Variants in PRKG1 observed in about 807,000 individuals in gnomAD.
The protein encoded by PRKG1 is cGMP-dependent protein kinase 1.
A neutral mutation model predicts 88.1 loss-of-function variants in PRKG1; 35 were observed. The ratio of observed to expected loss-of-function variants is 0.40; its 90% CI spans 0.30 to 0.53. PRKG1 has a LOEUF of 0.53. PRKG1 is among the 20% of genes least tolerant of loss of function. The pLI is 0.59. For missense variants in PRKG1, 540 were observed against 839.8 expected, an observed-to-expected ratio of 0.64 and a Z score of 4.41; for synonymous variants, 303 against 292.5, an observed-to-expected ratio of 1.04 and a Z score of -0.37.
rs1026511660 is a variant in PRKG1 at position 52,095,801 on chromosome 10, A to G, written c.935+33170A>G. ...GAGATACATTGTTGAGCAAAACCCA[A>G]GGAGGTTATAGCTTTCATGTTGCTC... On this transcript the variant is annotated intron_variant, in intron 7 of 17. Transcript: ENST00000373980. Among the ~76,000 whole-genome samples the G allele has an allele frequency of 2.6e-5, 4 of 152,178 alleles. No individual in the cohort carries two copies. In the South Asian group the frequency reaches 8.3e-4, roughly 31 times the overall value.
intron 2 of PRKG1, among the ~76,000 whole-genome samples, chr10:51,373,591 AC>A (rs1842747417): frequency 6.6e-6 from 1 of 151,740 alleles, no homozygotes; most frequent in South Asian, 2.1e-4. Flanking sequence ...GCTCTCCGCC[AC>A]CCCCTACCCT....
At chr10:51,932,060 C>T (rs538049369) in intron 5 of PRKG1, among the ~76,000 whole-genome samples, 60 of 152,252 alleles carry the variant, frequency 3.9e-4, no homozygotes, top group African/African-American at 1.3e-3. Context: ...CCATCCTCCT[C>T]ATTAGGTAGG....
chr10:51,512,345 T>TC (rs1324793278), intron 3 of PRKG1, among the ~76,000 whole-genome samples: 2 of 82,584 alleles, frequency 2.4e-5, no homozygotes, highest in African/African-American at 5.0e-5. Context: ...CCCTCCCCCC[T>TC]CCCCCCACCC....
chr10:51,380,789 C>T (rs928096159), intron 2 of PRKG1, among the ~76,000 whole-genome samples: 1 of 152,042 alleles, frequency 6.6e-6, no homozygotes, highest in African/African-American at 2.4e-5. Context: ...GAAACTTAAC[C>T]AGGGAAGGGG....
chr10:51,677,078 C>T (rs1488701114), intron 3 of PRKG1, among the ~76,000 whole-genome samples: 3 of 152,146 alleles, frequency 2.0e-5, no homozygotes, highest in Non-Finnish European at 4.4e-5. Context: ...AGCCACTGTC[C>T]TGACTTCTTA....
intron 5 of PRKG1, among the ~76,000 whole-genome samples, chr10:52,027,686 G>C (rs1033206083): frequency 2.0e-5 from 3 of 152,108 alleles, no homozygotes; most frequent in African/African-American, 7.2e-5. Flanking sequence ...GTGTCCCTTA[G>C]TCTGGTTAAT....
chr10:51,828,337 T>A (rs1365362742), intron 4 of PRKG1, among the ~76,000 whole-genome samples: 1 of 152,140 alleles, frequency 6.6e-6, no homozygotes, highest in African/African-American at 2.4e-5. Flanking sequence ...CATTTTAACA[T>A]ATTGATAAGG....
At chr10:52,017,478 T>G (rs890846508) in intron 5 of PRKG1, among the ~76,000 whole-genome samples, 1 of 151,868 alleles carries the variant, frequency 6.6e-6, no homozygotes, top group African/African-American at 2.4e-5. Context: ...GATTCCAAGG[T>G]TTTGGGTAGA....
chr10:51,869,925 A>G (rs1841113198), intron 4 of PRKG1, among the ~76,000 whole-genome samples: 1 of 152,200 alleles, frequency 6.6e-6, no homozygotes, highest in African/African-American at 2.4e-5. Context: ...AGCATTTTCA[A>G]TACTAAGGGA....
chr10:51,824,849 C>T (rs1839844374), intron 4 of PRKG1, among the ~76,000 whole-genome samples: 1 of 152,078 alleles, frequency 6.6e-6, no homozygotes, highest in Non-Finnish European at 1.5e-5. Context: ...GAGGGATTCA[C>T]CCCCATGACT....
At chr10:51,953,200 T>C (rs1169193167) in intron 5 of PRKG1, among the ~76,000 whole-genome samples, 3 of 152,180 alleles carry the variant, frequency 2.0e-5, no homozygotes, top group Admixed American at 6.5e-5. Context: ...TTATAATTTG[T>C]GTGCTGTATT....
At chr10:51,169,492 C>CT (rs1846639230) in intron 2 of PRKG1, among the ~76,000 whole-genome samples, 1 of 152,034 alleles carries the variant, frequency 6.6e-6, no homozygotes, top group Non-Finnish European at 1.5e-5. Context: ...GTTTTTACTT[C>CT]TTTTTCTTGG....
intron 2 of PRKG1, among the ~76,000 whole-genome samples, chr10:51,369,615 T>C (rs1022831805): frequency 2.0e-5 from 3 of 152,104 alleles, no homozygotes; most frequent in African/African-American, 7.2e-5. Context: ...AGCTTCTTGG[T>C]TGCACAGCAA....
In PRKG1 at chr10:51,360,853, G is replaced by C. The variant is rs138064636; in HGVS notation, c.479-106870G>C. On this transcript the variant is annotated intron_variant, in intron 2 of 17. Coordinates refer to ENST00000373980, the MANE Select transcript of PRKG1 (RefSeq NM_006258.4). ...CATGATAAGCTATGGCCATAGAGGTGAGATTTGTCTCTGAACAAGTCAATT... is the reference window on the plus strand; with the variant it reads ...CATGATAAGCTATGGCCATAGAGGTCAGATTTGTCTCTGAACAAGTCAATT... 2.3e-4 allele frequency among the ~76,000 whole-genome samples: 35 copies of C among 151,948 alleles called. 1 individual carries two copies. In the East Asian group the frequency reaches 6.8e-3, roughly 30 times the overall value.
intron 3 of PRKG1, among the ~76,000 whole-genome samples, chr10:51,483,152 C>A (rs941229426): frequency 1.3e-5 from 2 of 151,926 alleles, no homozygotes; most frequent in Non-Finnish European, 2.9e-5. Flanking sequence ...TCCCGAGTAG[C>A]TGGGACTATA....
chr10:51,638,687 G>T (rs576710325), intron 3 of PRKG1, among the ~76,000 whole-genome samples: 3 of 152,236 alleles, frequency 2.0e-5, no homozygotes, highest in African/African-American at 7.2e-5. Context: ...AATAATATGT[G>T]CAGGAGAGCC....
intron 1 of PRKG1, among the ~76,000 whole-genome samples, chr10:50,999,651 A>G (rs1049331982): frequency 1.3e-5 from 2 of 152,206 alleles, no homozygotes; most frequent in Non-Finnish European, 2.9e-5. Context: ...TTGTGGGTCT[A>G]TTTATTCAAC....
intron 4 of PRKG1, among the ~76,000 whole-genome samples, chr10:51,843,393 T>C (rs1183497822): frequency 6.6e-6 from 1 of 152,162 alleles, no homozygotes; most frequent in Non-Finnish European, 1.5e-5. Context: ...CAGTAGCAAT[T>C]TTGTTGCCTT....
At position 51,233,205 on chromosome 10, in the gene PRKG1, G is replaced by A. The variant is rs921241033; in HGVS notation, c.478+79875G>A. ...ATGTTAGGATTGACATTGTCACTCC[G>A]GTTTCTCTGAGACCACGTTTGACAT... On this transcript the variant is annotated intron_variant, in intron 2 of 17. Coordinates refer to ENST00000373980, the MANE Select transcript of PRKG1 (RefSeq NM_006258.4). Among the ~76,000 whole-genome samples the A allele has an allele frequency of 5.3e-5, 8 of 152,220 alleles. No individual in the cohort carries two copies. The South Asian group carries it at 1.2e-3, about 24-fold the overall frequency.
Sources: gnomAD v4.1 joint callset for allele counts (sites outside exome capture counted in the v4.1 genomes callset) on GRCh38, gnomAD v4.1.1 for gene constraint, MANE v1.5 for transcripts, NCBI Gene and HGNC (gene_info 2026-07-23, HGNC 2026-07-21) for gene names.